TENM3: variants seen among roughly 807,000 people sequenced by gnomAD.
The protein encoded by TENM3 is teneurin-3.
Under a neutral mutation model 255.1 loss-of-function variants are expected in TENM3, and 63 were observed. The observed-to-expected ratio is 0.25, with a 90% confidence interval of 0.20 to 0.30. The LOEUF is 0.30. Among genes scored for constraint, TENM3 ranks in the 10% least tolerant of loss-of-function variants. The pLI is 1.00. For synonymous variants in TENM3, 1,306 were observed against 1,322.3 expected, an observed-to-expected ratio of 0.99 and a Z score of 0.27; for missense variants, 2,929 against 3,461.1, an observed-to-expected ratio of 0.85 and a Z score of 3.86.
intron 4 of TENM3, among the ~76,000 whole-genome samples, chr4:182,612,128 C>T (rs558569465): frequency 2.6e-5 from 4 of 151,966 alleles, no homozygotes; most frequent in South Asian, 2.1e-4. Context: ...AAAAATTAGC[C>T]GGGCGTGGTG....
At chr4:182,030,368 A>T in the TENM3 span, among the ~76,000 whole-genome samples, 5 of 151,804 alleles carry the variant, frequency 3.3e-5, no homozygotes, top group Non-Finnish European at 5.9e-5. Flanking sequence ...TTTGCTGAGG[A>T]TAATGGCTTC....
At chr4:182,489,960 T>TA (rs1261983587) in intron 3 of TENM3, among the ~76,000 whole-genome samples, 3 of 151,848 alleles carry the variant, frequency 2.0e-5, no homozygotes, top group African/African-American at 7.3e-5. Flanking sequence ...TCAAAACATG[T>TA]AAAAAATATT....
At chr4:181,584,811 G>A in the TENM3 span, among the ~76,000 whole-genome samples, 9 of 152,208 alleles carry the variant, frequency 5.9e-5, no homozygotes, top group South Asian at 1.5e-3. Context: ...GAACATGGGT[G>A]CCTAATGAAC....
At chr4:181,931,387 C>A in the TENM3 span, among the ~76,000 whole-genome samples, 4 of 152,180 alleles carry the variant, frequency 2.6e-5, no homozygotes, top group African/African-American at 9.6e-5. Context: ...AAACAGAGAG[C>A]CAAATAGTGA....
intron 5 of TENM3, among the ~76,000 whole-genome samples, chr4:182,651,628 CAG>C (rs910957843): frequency 1.3e-5 from 2 of 151,898 alleles, no homozygotes; most frequent in African/African-American, 4.8e-5. Context: ...ACCCGGGAGA[CAG>C]AGGTTGCAGT....
chr4:182,733,212 G>C (rs1760908867), intron 16 of TENM3, among the ~76,000 whole-genome samples: 1 of 152,190 alleles, frequency 6.6e-6, no homozygotes, highest in Non-Finnish European at 1.5e-5. Context: ...AATAAGCCCT[G>C]AAAATAGAAG....
chr4:181,725,312 G>A, the TENM3 span, among the ~76,000 whole-genome samples: 9 of 151,996 alleles, frequency 5.9e-5, no homozygotes, highest in South Asian at 1.9e-3. Context: ...CATGCAAATT[G>A]CCATCTTTCC....
the TENM3 span, among the ~76,000 whole-genome samples, chr4:181,559,777 A>G: frequency 6.6e-6 from 1 of 152,168 alleles, no homozygotes; most frequent in Non-Finnish European, 1.5e-5. Context: ...AGGAGGCTGC[A>G]CTCAGCCGCA....
At chr4:181,503,649 G>A in the TENM3 span, among the ~76,000 whole-genome samples, 10 of 152,226 alleles carry the variant, frequency 6.6e-5, no homozygotes, top group Middle Eastern at 3.4e-3. Context: ...GATGGGGAGC[G>A]TCTGGTGTTG....
At chr4:181,708,146 G>A in the TENM3 span, among the ~76,000 whole-genome samples, 2 of 152,100 alleles carry the variant, frequency 1.3e-5, no homozygotes, top group Non-Finnish European at 2.9e-5. Flanking sequence ...ATATCATGTT[G>A]TAATCCTCAC....
the TENM3 span, among the ~76,000 whole-genome samples, chr4:181,849,583 TA>T: frequency 6.6e-6 from 1 of 152,206 alleles, no homozygotes; most frequent in East Asian, 1.9e-4. Context: ...TTAATGTGTT[TA>T]AAAATTCAAA....
the TENM3 span, among the ~76,000 whole-genome samples, chr4:181,624,863 A>G: frequency 6.6e-6 from 1 of 152,178 alleles, no homozygotes; most frequent in Non-Finnish European, 1.5e-5. Context: ...AAGGTCCACC[A>G]TGGGCTCACT....
chr4:182,194,320 T>C (rs1156653815), intron 1 of TENM3, among the ~76,000 whole-genome samples: 2 of 152,198 alleles, frequency 1.3e-5, no homozygotes, highest in African/African-American at 4.8e-5. Flanking sequence ...TGAAAATCAC[T>C]GTGGCATTCA....
At chr4:182,465,864 T>C (rs1459759681) in intron 3 of TENM3, among the ~76,000 whole-genome samples, 2 of 152,172 alleles carry the variant, frequency 1.3e-5, no homozygotes, top group East Asian at 3.9e-4. Flanking sequence ...ATAAAATGTC[T>C]TTAAAGTTTT....
At chr4:181,824,244 G>A in the TENM3 span, among the ~76,000 whole-genome samples, 1 of 150,902 alleles carries the variant, frequency 6.6e-6, no homozygotes, top group Admixed American at 6.6e-5. Flanking sequence ...TGAAACTACA[G>A]GTGTGCACCA....
chr4:182,735,880 T>C (rs1761121550), intron 16 of TENM3, among the ~76,000 whole-genome samples: 2 of 152,210 alleles, frequency 1.3e-5, no homozygotes, highest in African/African-American at 4.8e-5. Context: ...ATATAAATAT[T>C]GTCAGCATAC....
At chr4:181,811,908 G>A in the TENM3 span, among the ~76,000 whole-genome samples, 1 of 152,176 alleles carries the variant, frequency 6.6e-6, no homozygotes, top group Non-Finnish European at 1.5e-5. Flanking sequence ...TACTTAGACT[G>A]TGAATTACTT....
the TENM3 span, among the ~76,000 whole-genome samples, chr4:181,936,314 G>A: frequency 2.6e-5 from 4 of 152,160 alleles, no homozygotes; most frequent in Non-Finnish European, 5.9e-5. Flanking sequence ...AGAATTGCTT[G>A]AACTTGGGAG....
chr4:182,134,617 G>T, the TENM3 span, among the ~76,000 whole-genome samples: 1 of 152,294 alleles, frequency 6.6e-6, no homozygotes, highest in Admixed American at 6.5e-5. Flanking sequence ...GGCTAAGAAA[G>T]AAGTGTTAGG....
Sources: allele counts gnomAD v4.1 joint callset (sites outside exome capture counted in the v4.1 genomes callset), GRCh38; gene constraint gnomAD v4.1.1; transcripts MANE v1.5; gene names NCBI Gene and HGNC (gene_info 2026-07-23, HGNC 2026-07-21).